The following SEC11A variants were observed in gnomAD, a reference collection of about 807,000 sequenced individuals.
SEC11A encodes the protein SEC11 homolog A, signal peptidase complex subunit.
SEC11A carries 14 observed loss-of-function variants against 25.6 expected under a neutral mutation model. The ratio of observed to expected loss-of-function variants is 0.55; its 90% CI spans 0.36 to 0.85. SEC11A has a LOEUF of 0.85. Ranked by LOEUF, SEC11A falls within the 40% of genes least tolerant of loss-of-function variation. SEC11A has a pLI of 0.01. For synonymous variants in SEC11A, 83 were observed against 76.4 expected (o/e 1.09, Z -0.45); for missense variants, 153 against 222.9 (o/e 0.69, Z 2.00).
intron 1 of SEC11A, among the ~76,000 whole-genome samples, chr15:84,712,619 T>A (rs954170522): frequency 6.6e-6 from 1 of 151,922 alleles, no homozygotes; most frequent in African/African-American, 2.4e-5. Context: ...GGCTAATTTT[T>A]GTATTTTTAG....
At chr15:84,700,405 C>T (rs1213211530) in intron 1 of SEC11A, among the ~76,000 whole-genome samples, 2 of 150,826 alleles carry the variant, frequency 1.3e-5, no homozygotes, top group South Asian at 2.1e-4. Context: ...ACTGGCCTGG[C>T]CAACATGGTA....
At chr15:84,670,238 A>C (rs1596064530) in intron 5 of SEC11A, 169 bp from the exon 6 acceptor site, 19 of 483,544 alleles carry the variant, frequency 3.9e-5, no homozygotes, top group Middle Eastern at 5.1e-4. Flanking sequence ...GCAAAATATC[A>C]CATTTCTTTA....
At chr15:84,690,241 C>G (rs1390027284) in intron 2 of SEC11A, among the ~76,000 whole-genome samples, 3 of 152,142 alleles carry the variant, frequency 2.0e-5, no homozygotes, top group Admixed American at 1.3e-4. Context: ...CTCACGAGAT[C>G]TGATGGTTTT....
intron 1 of SEC11A, chr15:84,714,875 G>A (rs943306380): frequency 1.3e-5 from 2 of 152,094 alleles, no homozygotes; most frequent in Non-Finnish European, 2.9e-5. Flanking sequence ...ACCTAGCATA[G>A]AGTACAATAA....
chr15:84,680,880 T>C, intron 3 of SEC11A, 48 bp from the exon 4 acceptor site: 1 of 1,535,362 alleles, frequency 6.5e-7, no homozygotes, highest in Non-Finnish European at 8.8e-7. Context: ...TTCATGGCAT[T>C]TAAAGCACAA....
chr15:84,710,994 C>CG lies in SEC11A; in HGVS notation c.51+5030dup, dbSNP rs953476728. On this transcript the variant is annotated intron_variant, in intron 1 of 5. Transcript: ENST00000268220. ...CTGAGGCAGGAGAATCGCTTGAACC[C>CG]GGGGGGCGGAGGTTCTAGTGAGCCG... is the stretch of plus-strand genomic sequence containing the variant. 4.0e-5 allele frequency among the ~76,000 whole-genome samples: 6 copies of CG among 150,924 alleles called. No homozygotes were observed. The South Asian group carries it at 1.3e-3, about 32-fold the overall frequency.
chr15:84,708,205 CAAAAAAAAA>C (rs71132699), intron 1 of SEC11A, among the ~76,000 whole-genome samples: 14 of 35,400 alleles, frequency 4.0e-4, no homozygotes, highest in African/African-American at 1.5e-3. Context: ...GGCTCTGTCT[CAAAAAAAAA>C]AAAAAAAAAA....
At chr15:84,696,344 C>T (rs1001211983) in intron 1 of SEC11A, among the ~76,000 whole-genome samples, 2 of 152,050 alleles carry the variant, frequency 1.3e-5, no homozygotes, top group Non-Finnish European at 1.5e-5. Context: ...GAATTGAAGA[C>T]GTGGAGTGGG....
intron 4 of SEC11A, chr15:84,680,045 T>C: frequency 1.0e-6 from 1 of 964,536 alleles, no homozygotes; most frequent in Non-Finnish European, 1.6e-6. Flanking sequence ...ATATTATGGA[T>C]TAAATTAACA....
At chr15:84,704,920 C>CT (rs11407566) in intron 1 of SEC11A, among the ~76,000 whole-genome samples, 121,160 of 147,330 alleles carry the variant, frequency 0.82, 49,955 homozygotes, top group East Asian at 0.94. Flanking sequence ...CTTCTGGAGT[C>CT]TTTTTTTTTT....
chr15:84,680,599 T>C, intron 4 of SEC11A, 114 bp downstream of exon 4: 1 of 1,124,184 alleles, frequency 8.9e-7, no homozygotes, highest in South Asian at 3.0e-5. Flanking sequence ...AAGGGTGATT[T>C]GGTGGAACCA....
chr15:84,713,435 T>A (rs1329631397), intron 1 of SEC11A, among the ~76,000 whole-genome samples: 4 of 152,198 alleles, frequency 2.6e-5, no homozygotes, highest in African/African-American at 9.7e-5. Flanking sequence ...AGTATCTACA[T>A]GTATTGTCAA....
chr15:84,691,529 T>A lies in SEC11A; in HGVS notation c.161+6A>T, dbSNP rs780540085. 6.5e-7 allele frequency: 1 copy of A among 1,546,470 alleles called. No homozygotes were observed. Among genetic ancestry groups the A allele is most frequent in the South Asian group, 1.1e-5 (1 of 88,656 alleles). On this transcript the variant is annotated splice_donor_region_variant and intron_variant, in intron 2 of 5. Coordinates refer to ENST00000268220, the MANE Select transcript of SEC11A (RefSeq NM_014300.4). Reference sequence around the variant, plus strand: ...AATTCCATGCCTTGAAAGGAAAAACTGTTACCTGAGCACCACTACAATCGG... The same window carrying A: ...AATTCCATGCCTTGAAAGGAAAAACAGTTACCTGAGCACCACTACAATCGG...
At chr15:84,696,361 T>C (rs184119364) in intron 1 of SEC11A, among the ~76,000 whole-genome samples, 1 of 152,276 alleles carries the variant, frequency 6.6e-6, no homozygotes, top group Non-Finnish European at 1.5e-5. Flanking sequence ...TGGGACATGA[T>C]AGAAGTAGGA....
At chr15:84,711,648 A>C (rs1898270804) in intron 1 of SEC11A, among the ~76,000 whole-genome samples, 1 of 151,930 alleles carries the variant, frequency 6.6e-6, no homozygotes, top group African/African-American at 2.4e-5. Flanking sequence ...TGAAACCCCC[A>C]TCTCTACTAA....
At chr15:84,688,843 C>A (rs1329356055) in intron 2 of SEC11A, among the ~76,000 whole-genome samples, 3 of 152,030 alleles carry the variant, frequency 2.0e-5, no homozygotes, top group Admixed American at 6.6e-5. Context: ...CCAGCCTGAT[C>A]AACACAGTGA....
At chr15:84,683,023 G>A (rs755807408) in intron 3 of SEC11A, among the ~76,000 whole-genome samples, 1 of 152,068 alleles carries the variant, frequency 6.6e-6, no homozygotes, top group Non-Finnish European at 1.5e-5. Flanking sequence ...ATTGGGAGGT[G>A]TTGCAAACAC....
At chr15:84,670,249 A>C in intron 5 of SEC11A, 180 bp from the exon 6 acceptor site, 1 of 515,246 alleles carries the variant, frequency 1.9e-6, no homozygotes, top group Non-Finnish European at 3.3e-6. Context: ...CATTTCTTTA[A>C]ATAATTTTCT....
At chr15:84,700,996 A>AAG (rs1279278112) in intron 1 of SEC11A, among the ~76,000 whole-genome samples, 1 of 151,042 alleles carries the variant, frequency 6.6e-6, no homozygotes, top group African/African-American at 2.4e-5. Flanking sequence ...AAAAAAAAAA[A>AAG]AAAAAAAAAA....
Sources: allele counts gnomAD v4.1 joint callset (sites outside exome capture counted in the v4.1 genomes callset), GRCh38; gene constraint gnomAD v4.1.1; transcripts MANE v1.5; gene names NCBI Gene and HGNC (gene_info 2026-07-23, HGNC 2026-07-21).